B4GALT1: variants seen among roughly 807,000 people sequenced by gnomAD.
The protein encoded by B4GALT1 is beta-1,4-galactosyltransferase 1.
A neutral mutation model predicts 34.9 loss-of-function variants in B4GALT1; 16 were observed. That is an observed-to-expected ratio of 0.46 (90% CI 0.31 to 0.70). B4GALT1 has a LOEUF of 0.70. B4GALT1 is among the 30% of genes least tolerant of loss of function. B4GALT1 has a pLI of 0.05. For synonymous variants in B4GALT1, 221 were observed against 218.1 expected (o/e 1.01, Z -0.12); for missense variants, 445 against 530.5 (o/e 0.84, Z 1.58).
chr9:33,172,130 C>T (rs1394786651), upstream of B4GALT1, among the ~76,000 whole-genome samples: 1 of 152,114 alleles, frequency 6.6e-6, no homozygotes, highest in Non-Finnish European at 1.5e-5. Context: ...AAAAGAAAAG[C>T]TTTGTACTGC....
At chr9:33,118,320 G>T (rs927123373) in intron 3 of B4GALT1, among the ~76,000 whole-genome samples, 5 of 152,120 alleles carry the variant, frequency 3.3e-5, no homozygotes, top group Admixed American at 1.3e-4. Context: ...CTCCCAGCAA[G>T]GGAGGACAGG....
upstream of B4GALT1, among the ~76,000 whole-genome samples, chr9:33,169,611 C>T (rs1159768854): frequency 6.6e-6 from 1 of 151,820 alleles, no homozygotes; most frequent in African/African-American, 2.4e-5. Flanking sequence ...ACCTCTGCCT[C>T]CCGGGTTCAA....
intron 1 of B4GALT1, among the ~76,000 whole-genome samples, chr9:33,160,737 G>C (rs1840662257): frequency 2.0e-5 from 3 of 151,826 alleles, no homozygotes; most frequent in Admixed American, 2.0e-4. Flanking sequence ...CTCCAGCCTG[G>C]GTGACAGAGC....
the B4GALT1 span, chr9:33,174,187 G>T: frequency 1.3e-5 from 2 of 152,924 alleles, no homozygotes; most frequent in African/African-American, 2.4e-5. Flanking sequence ...TTTTCTTGGG[G>T]TTGCACTACT....
chr9:33,135,755 T>C (rs956566562), intron 1 of B4GALT1, among the ~76,000 whole-genome samples: 14 of 152,210 alleles, frequency 9.2e-5, no homozygotes, highest in Admixed American at 9.2e-4. Context: ...CAGGCTGTTG[T>C]AGAAATCAGT....
Position 33,160,184 on chromosome 9 carries a change from T to C in B4GALT1, c.412+6574A>G, listed in dbSNP as rs1361403064. Reference sequence around the variant, plus strand: ...AAAAACATTCAACACTTTTTTTCCTTTTTTAGAAAGCTCTCCTACAGAAAC... The same window carrying C: ...AAAAACATTCAACACTTTTTTTCCTCTTTTAGAAAGCTCTCCTACAGAAAC... On this transcript the variant is annotated intron_variant, in intron 1 of 5. Transcript: ENST00000379731. Among the ~76,000 whole-genome samples the C allele has an allele frequency of 5.9e-5, 9 of 152,368 alleles. No homozygotes were observed. In the East Asian group the frequency reaches 1.7e-3, roughly 29 times the overall value.
chr9:33,169,766 C>A (rs1026080640), upstream of B4GALT1, among the ~76,000 whole-genome samples: 1 of 152,070 alleles, frequency 6.6e-6, no homozygotes, highest in African/African-American at 2.4e-5. Flanking sequence ...GGTGATCCGC[C>A]CGCCTCGGCC....
the B4GALT1 span, among the ~76,000 whole-genome samples, chr9:33,181,461 A>ACACACACACACAC: frequency 2.8e-4 from 18 of 65,176 alleles, no homozygotes; most frequent in Non-Finnish European, 5.5e-4. Context: ...CACACACACA[A>ACACACACACACAC]ACTATTCTTA....
Position 33,147,812 on chromosome 9 carries a change from T to G in B4GALT1, c.413-12388A>C, listed in dbSNP as rs1840451102. Reference sequence around the variant, plus strand: ...ATGCAGGAGGCTGAGGTGGAAAGATTGCTTGAGGCCAGGAGTTCAAGATTG... The same window carrying G: ...ATGCAGGAGGCTGAGGTGGAAAGATGGCTTGAGGCCAGGAGTTCAAGATTG... On this transcript the variant is annotated intron_variant, in intron 1 of 5. Transcript: ENST00000379731. Among the ~76,000 whole-genome samples the G allele has an allele frequency of 1.3e-5, 2 of 152,208 alleles. 1 individual carries two copies. The highest frequency in any genetic ancestry group is 4.2e-4 in the South Asian group (2 of 4,818).
rs558646740 is a variant in B4GALT1, at chr9:33,130,821, G to A, written c.648+4368C>T. Among the ~76,000 whole-genome samples, 3 of 152,070 alleles carry A rather than the reference G, an allele frequency of 2.0e-5. No homozygotes were observed. The South Asian group carries it at 6.2e-4, about 32-fold the overall frequency. On this transcript the variant is annotated intron_variant, in intron 2 of 5. Coordinates refer to ENST00000379731, the MANE Select transcript of B4GALT1 (RefSeq NM_001497.4). ...CCAATAGGAGGAAGGGTCCTGATGCGGGCCCTGAGTGGGGGTGCAGCAGGA... is the reference window on the plus strand; with the variant it reads ...CCAATAGGAGGAAGGGTCCTGATGCAGGCCCTGAGTGGGGGTGCAGCAGGA...
chr9:33,147,971 C>A (rs954982341), intron 1 of B4GALT1, among the ~76,000 whole-genome samples: 18 of 151,888 alleles, frequency 1.2e-4, no homozygotes, highest in African/African-American at 4.1e-4. Context: ...GATTGCGAGG[C>A]CACAATGAGT....
At chr9:33,126,168 T>C (rs1288313419) in intron 2 of B4GALT1, among the ~76,000 whole-genome samples, 1 of 152,096 alleles carries the variant, frequency 6.6e-6, no homozygotes, top group East Asian at 1.9e-4. Context: ...TGAAACACCC[T>C]CTGTATGCTT....
At chr9:33,134,210 G>C (rs1220315782) in intron 2 of B4GALT1, among the ~76,000 whole-genome samples, 6 of 152,218 alleles carry the variant, frequency 3.9e-5, no homozygotes, top group African/African-American at 1.2e-4. Flanking sequence ...GGGTCATAGG[G>C]AAGGTGCACA....
At chr9:33,149,511 C>T (rs1440413295) in intron 1 of B4GALT1, among the ~76,000 whole-genome samples, 1 of 152,156 alleles carries the variant, frequency 6.6e-6, no homozygotes, top group Admixed American at 6.5e-5. Flanking sequence ...TTTCAAACTT[C>T]TGACCTCAAG....
At position 33,113,122 on chromosome 9, in the gene B4GALT1, C is replaced by A; in HGVS notation, c.*332G>T. On this transcript the variant is annotated 3_prime_UTR_variant, in exon 6 of 6. Coordinates refer to ENST00000379731, the MANE Select transcript of B4GALT1 (RefSeq NM_001497.4). ...TAAAGAAAAATTCTAACCTATTTCA[C>A]GACAATTTAGCAATTCTATCACCGG... 3.0e-6 allele frequency: 1 copy of A among 336,562 alleles called. No individual in the cohort carries two copies. Among genetic ancestry groups the A allele is most frequent in the Non-Finnish European group, 5.6e-6 (1 of 178,216 alleles). The allele number at this position is 336,562 out of a possible 1,614,324, so 20.8% of individuals were successfully genotyped here.
chr9:33,108,948 T>C (rs1839825042), downstream of B4GALT1, among the ~76,000 whole-genome samples: 1 of 151,818 alleles, frequency 6.6e-6, no homozygotes, highest in African/African-American at 2.4e-5. Flanking sequence ...GCTAGGAGAA[T>C]CTTTTGTTCT....
the B4GALT1 span, among the ~76,000 whole-genome samples, chr9:33,176,695 G>T: frequency 6.6e-6 from 1 of 152,148 alleles, no homozygotes; most frequent in East Asian, 1.9e-4. Flanking sequence ...AGACACTGGG[G>T]ACTCCAGCAG....
At chr9:33,156,955 T>G (rs1032383213) in intron 1 of B4GALT1, among the ~76,000 whole-genome samples, 7 of 152,112 alleles carry the variant, frequency 4.6e-5, no homozygotes, top group Non-Finnish European at 1.5e-5. Flanking sequence ...AGAGCCACAG[T>G]AAGGCTCCTT....
chr9:33,152,371 A>AACATAACAT (rs71738839), intron 1 of B4GALT1, among the ~76,000 whole-genome samples: 2,887 of 68,678 alleles, frequency 0.042, 69 homozygotes, highest in East Asian at 0.097. Context: ...TAACATAACA[A>AACATAACAT]CTTCTACATA....
Sources: allele counts gnomAD v4.1 joint callset (sites outside exome capture counted in the v4.1 genomes callset), GRCh38; gene constraint gnomAD v4.1.1; transcripts MANE v1.5; gene names NCBI Gene and HGNC (gene_info 2026-07-23, HGNC 2026-07-21).